Variants in OPCML observed in about 807,000 individuals in gnomAD.
OPCML encodes the protein opioid binding protein/cell adhesion molecule like.
Under a neutral mutation model 37.8 loss-of-function variants are expected in OPCML, and 13 were observed. The observed-to-expected ratio is 0.34, with a 90% CI of 0.22 to 0.55. The LOEUF (loss-of-function observed/expected upper bound fraction) is 0.55. Among genes scored for constraint, OPCML ranks in the 20% least tolerant of loss-of-function variants. The pLI is 0.91. For synonymous variants in OPCML, 176 were observed against 168.8 expected, an observed-to-expected ratio of 1.04 and a Z score of -0.33; for missense variants, 341 against 435.6, an observed-to-expected ratio of 0.78 and a Z score of 1.93.
chr11:133,227,851 G>T (rs1240749377), intron 1 of OPCML, among the ~76,000 whole-genome samples: 1 of 152,130 alleles, frequency 6.6e-6, no homozygotes, highest in South Asian at 2.1e-4. Flanking sequence ...CGACTTAATC[G>T]CTAAGATGCC....
intron 1 of OPCML, among the ~76,000 whole-genome samples, chr11:133,285,612 T>C (rs538679049): frequency 6.6e-6 from 1 of 152,326 alleles, no homozygotes; most frequent in East Asian, 1.9e-4. Context: ...GAAGGAGTGC[T>C]ACGTCTCCAA....
intron 1 of OPCML, among the ~76,000 whole-genome samples, chr11:133,290,065 C>A (rs1942434242): frequency 6.6e-6 from 1 of 152,174 alleles, no homozygotes. Context: ...CTAAGAAAAT[C>A]TTCTCAAATC....
At chr11:132,719,809 G>A (rs1008010477) in intron 2 of OPCML, among the ~76,000 whole-genome samples, 1 of 152,198 alleles carries the variant, frequency 6.6e-6, no homozygotes, top group African/African-American at 2.4e-5. Flanking sequence ...AGATAGGCAG[G>A]GGCCAGGTTC....
intron 1 of OPCML, among the ~76,000 whole-genome samples, chr11:133,182,561 A>G (rs796199510): frequency 5.1e-4 from 77 of 152,326 alleles, no homozygotes; most frequent in African/African-American, 1.8e-3. Context: ...ATGCCACTTC[A>G]TCCTGTCTCT....
intron 1 of OPCML, among the ~76,000 whole-genome samples, chr11:133,263,903 C>T (rs754904749): frequency 2.4e-4 from 36 of 152,174 alleles, no homozygotes; most frequent in Admixed American, 1.1e-3. Context: ...AAAAGTTCTC[C>T]AGGCTCAGTT....
At chr11:132,556,562 T>C (rs1368791460) in intron 3 of OPCML, among the ~76,000 whole-genome samples, 1 of 152,166 alleles carries the variant, frequency 6.6e-6, no homozygotes, top group African/African-American at 2.4e-5. Context: ...GCTCATCAAG[T>C]AGCTTCTGGC....
At chr11:133,319,906 G>T (rs972230176) in intron 1 of OPCML, among the ~76,000 whole-genome samples, 1 of 152,180 alleles carries the variant, frequency 6.6e-6, no homozygotes, top group Non-Finnish European at 1.5e-5. Context: ...AGAAAAAACA[G>T]AATTTTTTGG....
intron 1 of OPCML, among the ~76,000 whole-genome samples, chr11:133,010,918 G>A (rs1947200714): frequency 6.6e-6 from 1 of 152,200 alleles, no homozygotes; most frequent in Non-Finnish European, 1.5e-5. Flanking sequence ...ATTTATTTGT[G>A]TGTAAGTTCG....
chr11:132,551,958 T>C (rs941056576), intron 3 of OPCML, among the ~76,000 whole-genome samples: 1 of 152,186 alleles, frequency 6.6e-6, no homozygotes, highest in Admixed American at 6.5e-5. Flanking sequence ...TGGCAACAAA[T>C]ATCTTTGTCT....
At chr11:133,207,119 TAAAAAA>T (rs71038525) in intron 1 of OPCML, among the ~76,000 whole-genome samples, 5 of 99,686 alleles carry the variant, frequency 5.0e-5, no homozygotes, top group African/African-American at 1.2e-4. Flanking sequence ...AACCCTCTAC[TAAAAAA>T]AAAAAAAAAA....
chr11:132,420,018 CTCATTCAAGCTGG>C lies in OPCML; in HGVS notation c.*162_*174del. 2.3e-6 allele frequency: 1 copy of C among 425,968 alleles called. No individual in the cohort carries two copies. The allele number at this position is 425,968 out of a possible 1,614,324, so 26.4% of individuals were successfully genotyped here. On this transcript the variant is annotated 3_prime_UTR_variant, in exon 8 of 8. Transcript: ENST00000524381. ...CCTGCCCACCCCGCCCCCAACCCCA[CTCATTCAAGCTGG>C]AAATAAAAGCAAACAAACAAATAAA...
At chr11:132,706,885 C>G (rs1220974046) in intron 2 of OPCML, among the ~76,000 whole-genome samples, 1 of 152,170 alleles carries the variant, frequency 6.6e-6, no homozygotes. Flanking sequence ...TGATTTATTC[C>G]TTCTTTGTTC....
rs866304807 is a variant in OPCML, at chr11:132,542,289, T to G, written c.380-13103A>C. 1.2e-3 allele frequency among the ~76,000 whole-genome samples: 188 copies of G among 152,180 alleles called. 3 individuals carry two copies. The highest frequency in any genetic ancestry group is 2.2e-4 in the Non-Finnish European group (15 of 68,038). On this transcript the variant is annotated intron_variant, in intron 3 of 7. Coordinates refer to ENST00000524381, the MANE Select transcript of OPCML (RefSeq NM_001012393.5). ...ACACCTAGGATTTCATGCCCCTCCT[T>G]GTCTCCATCAGCTCCTGGCCTTCCT...
intron 1 of OPCML, among the ~76,000 whole-genome samples, chr11:133,085,183 G>A (rs547505227): frequency 6.6e-6 from 1 of 152,176 alleles, no homozygotes; most frequent in Admixed American, 6.5e-5. Flanking sequence ...ATACAACCCA[G>A]TGCATTTCAT....
intron 3 of OPCML, among the ~76,000 whole-genome samples, chr11:132,643,273 T>G (rs769981907): frequency 3.9e-5 from 6 of 152,052 alleles, no homozygotes; most frequent in Non-Finnish European, 7.4e-5. Context: ...TGAGACTCCA[T>G]CTCTAAAAAA....
chr11:132,990,764 G>A (rs899794392), intron 1 of OPCML, among the ~76,000 whole-genome samples: 1 of 152,212 alleles, frequency 6.6e-6, no homozygotes, highest in African/African-American at 2.4e-5. Context: ...GTGACCTAGA[G>A]CAAGTAGCTC....
intron 4 of OPCML, among the ~76,000 whole-genome samples, chr11:132,519,374 T>C (rs1167687198): frequency 6.6e-6 from 1 of 152,070 alleles, no homozygotes; most frequent in Non-Finnish European, 1.5e-5. Context: ...TGACGCTTGC[T>C]GAAGGCATCC....
intron 3 of OPCML, among the ~76,000 whole-genome samples, chr11:132,567,781 C>A (rs76027430): frequency 0.029 from 4,447 of 152,224 alleles, 246 homozygotes; most frequent in African/African-American, 0.1. Context: ...ACTTGTCATT[C>A]TGAGGTTGCA....
At chr11:133,148,728 T>C (rs1949933163) in intron 1 of OPCML, among the ~76,000 whole-genome samples, 1 of 152,140 alleles carries the variant, frequency 6.6e-6, no homozygotes, top group Non-Finnish European at 1.5e-5. Flanking sequence ...GCTCTACAAA[T>C]GGCAGAGACG....
Sources: gnomAD v4.1 joint callset for allele counts (sites outside exome capture counted in the v4.1 genomes callset) on GRCh38, gnomAD v4.1.1 for gene constraint, MANE v1.5 for transcripts, NCBI Gene and HGNC (gene_info 2026-07-23, HGNC 2026-07-21) for gene names.